FERMT2: variants seen among roughly 807,000 people sequenced by gnomAD.
The protein encoded by FERMT2 is FERM domain containing kindlin 2, also known as fermitin family homolog 2.
A neutral mutation model predicts 82.7 loss-of-function variants in FERMT2; 15 were observed. The observed-to-expected ratio is 0.18, with a 90% CI of 0.12 to 0.28. The LOEUF (loss-of-function observed/expected upper bound fraction) is 0.28, where lower values mean the gene tolerates loss of function less well. Ranked by LOEUF, FERMT2 falls within the 10% of genes least tolerant of loss-of-function variation. The pLI, the probability that FERMT2 is intolerant of heterozygous loss-of-function variation, is 1.00. For synonymous variants in FERMT2, 274 were observed against 271.5 expected (o/e 1.01, Z -0.09); for missense variants, 645 against 809.4 (o/e 0.80, Z 2.46).
At chr14:52,923,899 C>G (rs1373659184) in intron 2 of FERMT2, among the ~76,000 whole-genome samples, 1 of 152,130 alleles carries the variant, frequency 6.6e-6, no homozygotes, top group African/African-American at 2.4e-5. Context: ...GGTGTTCTGA[C>G]AGCGAAGTAG....
intron 2 of FERMT2, among the ~76,000 whole-genome samples, chr14:52,949,379 A>T (rs895146343): frequency 1.1e-4 from 14 of 132,612 alleles, no homozygotes; most frequent in African/African-American, 2.3e-4. Context: ...TGCTGTGTTT[A>T]AAAAAAAAAA....
At chr14:52,920,490 C>T (rs1888898361) in intron 2 of FERMT2, among the ~76,000 whole-genome samples, 2 of 151,496 alleles carry the variant, frequency 1.3e-5, no homozygotes, top group South Asian at 2.1e-4. Flanking sequence ...TTTAATTAGC[C>T]AGGCATGGTG....
chr14:52,924,140 A>G (rs1889117442), intron 2 of FERMT2, among the ~76,000 whole-genome samples: 1 of 152,200 alleles, frequency 6.6e-6, no homozygotes, highest in South Asian at 2.1e-4. Context: ...TTCTAGTGCT[A>G]GAGATATGAT....
Position 52,864,343 on chromosome 14 carries a change from A to G in FERMT2, c.1602+58T>C, listed in dbSNP as rs113911542. 5.3e-5 allele frequency: 69 copies of G among 1,294,296 alleles called. No homozygotes were observed. The African/African-American group carries it at 9.9e-4, about 19-fold the overall frequency. The allele number at this position is 1,294,296 out of a possible 1,614,324, so 80.2% of individuals were successfully genotyped here. A position where few individuals can be genotyped will look rare whatever the true frequency, so the allele number is the denominator to read the frequency against. On this transcript the variant is annotated intron_variant, in intron 12 of 14. Coordinates refer to ENST00000341590, the MANE Select transcript of FERMT2 (RefSeq NM_006832.3). ...TGTTTAAGAGGGGAAAAACAAAGTT[A>G]TGTACAAAATTATAAAAACAAACCA...
At chr14:52,908,421 C>T (rs988878923) in intron 3 of FERMT2, among the ~76,000 whole-genome samples, 5 of 152,150 alleles carry the variant, frequency 3.3e-5, no homozygotes, top group East Asian at 3.9e-4. Flanking sequence ...CCCAGCCCTT[C>T]GACTGGTGAA....
intron 2 of FERMT2, among the ~76,000 whole-genome samples, chr14:52,937,904 A>G (rs1301940993): frequency 2.6e-5 from 4 of 152,218 alleles, no homozygotes; most frequent in Non-Finnish European, 5.9e-5. Flanking sequence ...CCCAAACTCC[A>G]AAAGGATCCT....
At chr14:52,941,928 T>C (rs566209383) in intron 2 of FERMT2, among the ~76,000 whole-genome samples, 34 of 152,284 alleles carry the variant, frequency 2.2e-4, no homozygotes, top group Non-Finnish European at 4.4e-4. Context: ...ATTAAAATGG[T>C]ACTTAAATAG....
intron 8 of FERMT2, 48 bp downstream of exon 8, chr14:52,875,174 TG>T: frequency 6.6e-7 from 1 of 1,515,228 alleles, no homozygotes; most frequent in Admixed American, 2.0e-5. Context: ...CAAAATGGAA[TG>T]CATCAATTCA....
Position 52,881,124 on chromosome 14 carries a change from G to A in FERMT2, c.767C>T (p.Ser256Leu). The A allele has an allele frequency of 6.2e-7, 1 of 1,613,210 alleles. No individual in the cohort carries two copies. Among genetic ancestry groups the A allele is most frequent in the Non-Finnish European group, 8.5e-7 (1 of 1,179,438 alleles). Residue 256 changes from serine to leucine, a missense_variant, in exon 6 of 15, where the codon TCA becomes TTA. Ser to Leu is a moderately radical substitution (Grantham distance 145, BLOSUM62 -2). Transcript: ENST00000341590. ...AKINQGWLDS[S>L]RSLMEQDVKE... is the part of the protein sequence containing the mutation. ...CACATCTTGTTCCATGAGAGATCTT[G>A]AGGAATCAAGCCATCTGGACAAATT...
chr14:52,929,384 A>T (rs1420506033), intron 2 of FERMT2, among the ~76,000 whole-genome samples: 1 of 152,290 alleles, frequency 6.6e-6, no homozygotes, highest in Non-Finnish European at 1.5e-5. Context: ...CACTTTGCAT[A>T]CAACAGCCAG....
intron 6 of FERMT2, among the ~76,000 whole-genome samples, chr14:52,879,745 T>G (rs1336368238): frequency 6.6e-6 from 1 of 152,050 alleles, no homozygotes; most frequent in East Asian, 1.9e-4. Flanking sequence ...ATGAAAAGGA[T>G]GAGAGGGTAG....
Position 52,861,034 on chromosome 14 carries a change from G to C in FERMT2, c.1603-569C>G, listed in dbSNP as rs1884895950. ...CTTACCAAATCTCTTATATAGCCTG[G>C]CTGTAGATGGCAATGCGAGGAAAGA... On this transcript the variant is annotated intron_variant, in intron 12 of 14. Transcript: ENST00000341590. 2.7e-6 allele frequency: 4 copies of C among 1,507,110 alleles called. No individual in the cohort carries two copies. The South Asian group carries it at 4.1e-5, about 15-fold the overall frequency. The allele number at this position is 1,507,110 out of a possible 1,614,324, so 93.4% of individuals were successfully genotyped here. A position where few individuals can be genotyped will look rare whatever the true frequency, so the allele number is the denominator to read the frequency against.
chr14:52,862,596 A>T (rs572244941), intron 12 of FERMT2: 1 of 152,542 alleles, frequency 6.6e-6, no homozygotes, highest in African/African-American at 2.4e-5. Flanking sequence ...TGAGCCTGGG[A>T]GATGGAGGCT....
rs1888802351 is a variant in FERMT2, at chr14:52,919,248, T to A, written c.266A>T (p.Lys89Met). Residue 89 changes from lysine to methionine, a missense_variant, in exon 3 of 15, where the codon AAG becomes ATG. By Grantham distance (95) the Lys-to-Met change is moderately conservative. Coordinates refer to ENST00000341590, the MANE Select transcript of FERMT2 (RefSeq NM_006832.3). Reference sequence around the variant, plus strand: ...TTTGTGCTGAGGGGTGAACTGAAGCTTAGCATCTGCCTGAATACCATACTT... The same window carrying A: ...TTTGTGCTGAGGGGTGAACTGAAGCATAGCATCTGCCTGAATACCATACTT... Reference protein sequence around the residue: ...LDKYGIQADAKLQFTPQHKLL... With the variant: ...LDKYGIQADAMLQFTPQHKLL... The A allele has an allele frequency of 6.2e-7, 1 of 1,613,972 alleles. No homozygotes were observed. The highest frequency in any genetic ancestry group is 8.5e-7 in the Non-Finnish European group (1 of 1,179,960).
chr14:52,868,845 G>A (rs1330923029), intron 10 of FERMT2, among the ~76,000 whole-genome samples: 2 of 152,202 alleles, frequency 1.3e-5, no homozygotes, highest in Non-Finnish European at 2.9e-5. Context: ...GGCTTGTTTA[G>A]TAGAAGAGCA....
chr14:52,920,495 A>G (rs1194279806), intron 2 of FERMT2, among the ~76,000 whole-genome samples: 2 of 151,752 alleles, frequency 1.3e-5, no homozygotes, highest in Non-Finnish European at 2.9e-5. Context: ...TTAGCCAGGC[A>G]TGGTGGCATG....
At chr14:52,919,402 T>C (rs1379439045) in intron 2 of FERMT2, 46 bp from the exon 3 acceptor site, 1 of 1,409,284 alleles carries the variant, frequency 7.1e-7, no homozygotes, top group Non-Finnish European at 9.8e-7. Flanking sequence ...ATCACCAAGG[T>C]GATTTTGAGA....
rs1373173936 is a variant in FERMT2 at position 52,881,341 on chromosome 14, C to T, written c.655G>A (p.Gly219Ser). 1.2e-6 allele frequency: 2 copies of T among 1,613,744 alleles called. No homozygotes were observed. Among genetic ancestry groups the T allele is most frequent in the Non-Finnish European group, 1.7e-6 (2 of 1,180,004 alleles). The change falls in exon 5 of 15, where the codon GGT becomes AGT. Residue 219 changes from glycine (G) to serine (S), a missense_variant. Physicochemically the swap from Gly to Ser is moderately conservative, Grantham distance 56. Transcript: ENST00000341590. ...GDSALSEGNPGILAVSQPITS... is the reference protein window; with the variant it reads ...GDSALSEGNPSILAVSQPITS... ...ATTGGTTGACTGACAGCAAGTATAC[C>T]AGGATTGCCTTCTGACAAAGCACTG...
intron 9 of FERMT2, among the ~76,000 whole-genome samples, chr14:52,873,481 G>A (rs1885757205): frequency 6.6e-6 from 1 of 152,190 alleles, no homozygotes; most frequent in African/African-American, 2.4e-5. Flanking sequence ...AAGGAAAGGT[G>A]CAGGTAGATG....
Sources: allele counts gnomAD v4.1 joint callset (sites outside exome capture counted in the v4.1 genomes callset), GRCh38; gene constraint gnomAD v4.1.1; transcripts MANE v1.5; gene names NCBI Gene and HGNC (gene_info 2026-07-23, HGNC 2026-07-21).